SLC25A26: variants seen among roughly 807,000 people sequenced by gnomAD.
SLC25A26 encodes solute carrier family 25 member 26, also known as mitochondrial S-adenosylmethionine carrier protein.
SLC25A26 carries 36 observed loss-of-function variants against 37.8 expected under a neutral mutation model. That is an observed-to-expected ratio of 0.95 (90% CI 0.73 to 1.26). The LOEUF is 1.26. Ranked by LOEUF, SLC25A26 falls within the 50% of genes most tolerant of loss-of-function variation. The pLI, the probability that SLC25A26 is intolerant of heterozygous loss-of-function variation, is 0.00. For missense variants in SLC25A26, 390 were observed against 331.1 expected (o/e 1.18, Z -1.38); for synonymous variants, 129 against 122.5 (o/e 1.05, Z -0.35).
intron 1 of SLC25A26, among the ~76,000 whole-genome samples, chr3:66,141,638 G>A (rs1032823604): frequency 5.9e-5 from 9 of 151,930 alleles, no homozygotes; most frequent in Admixed American, 4.6e-4. Flanking sequence ...TCAGCCACCC[G>A]AGTAGCTGGG....
intron 5 of SLC25A26, among the ~76,000 whole-genome samples, chr3:66,284,858 C>G (rs1302519479): frequency 2.0e-5 from 3 of 152,190 alleles, no homozygotes; most frequent in Middle Eastern, 3.4e-3. Context: ...GAAGAATATG[C>G]AAAAATTCAT....
upstream of SLC25A26, chr3:66,220,891 A>T: frequency 1.6e-6 from 1 of 617,130 alleles, no homozygotes; most frequent in Non-Finnish European, 2.8e-6. Flanking sequence ...GCTCCACCAC[A>T]CTCCCCGAGG....
At chr3:66,314,243 C>T (rs182220826) in intron 5 of SLC25A26, among the ~76,000 whole-genome samples, 42 of 152,152 alleles carry the variant, frequency 2.8e-4, no homozygotes, top group East Asian at 2.5e-3. Context: ...CAGTATGATA[C>T]GGGCTGTGGG....
intron 6 of SLC25A26, among the ~76,000 whole-genome samples, chr3:66,358,451 AT>A (rs1196258617): frequency 6.6e-6 from 1 of 152,328 alleles, no homozygotes; most frequent in African/African-American, 2.4e-5. Context: ...TCACTTGGAT[AT>A]TTTAAGTCAT....
Position 66,288,980 on chromosome 3 carries a change from C to T in SLC25A26, c.453+25601C>T, listed in dbSNP as rs548345011. Among the ~76,000 whole-genome samples, 121 of 152,286 alleles carry T rather than the reference C, an allele frequency of 7.9e-4. 1 individual carries two copies. In the South Asian group the frequency reaches 0.014, roughly 17 times the overall value. ...CATTCCTATTTCTCCACATCCTCTCCAGCATCTGTTGTTTCCTGACTTTTT... is the reference window on the plus strand; with the variant it reads ...CATTCCTATTTCTCCACATCCTCTCTAGCATCTGTTGTTTCCTGACTTTTT... On this transcript the variant is annotated intron_variant, in intron 5 of 9. Coordinates refer to ENST00000354883, the MANE Select transcript of SLC25A26 (RefSeq NM_001379210.1).
chr3:66,276,244 A>C (rs1028595417), intron 5 of SLC25A26, among the ~76,000 whole-genome samples: 1 of 152,140 alleles, frequency 6.6e-6, no homozygotes, highest in Non-Finnish European at 1.5e-5. Flanking sequence ...TCATAAGCAG[A>C]GGCTTAGAAA....
chr3:66,192,282 C>A (rs925946292), intron 1 of SLC25A26, among the ~76,000 whole-genome samples: 10,029 of 147,312 alleles, frequency 0.068, 556 homozygotes, highest in African/African-American at 0.16. Context: ...CACCACTGCA[C>A]TCCAGCCTAG....
chr3:66,134,806 T>C (rs547501736), intron 1 of SLC25A26, among the ~76,000 whole-genome samples: 2 of 151,322 alleles, frequency 1.3e-5, no homozygotes, highest in Non-Finnish European at 1.5e-5. Flanking sequence ...TCATCCTTTG[T>C]CAATATTTCT....
chr3:66,195,749 A>G (rs1391823317), intron 1 of SLC25A26, among the ~76,000 whole-genome samples: 2 of 152,388 alleles, frequency 1.3e-5, no homozygotes, highest in East Asian at 3.9e-4. Flanking sequence ...AAGGAGTCTC[A>G]AAAGAATGGT....
At chr3:66,209,124 A>G (rs1436247794) in intron 1 of SLC25A26, among the ~76,000 whole-genome samples, 83,943 of 84,384 alleles carry the variant, frequency 0.99, 41,751 homozygotes, top group Non-Finnish European at 1. Context: ...ACACAAAAAG[A>G]TATATATACC....
chr3:66,209,894 C>CTATTTA lies in SLC25A26; in HGVS notation c.-353-10844_-353-10839dup, dbSNP rs1441120750. Among the ~76,000 whole-genome samples the CTATTTA allele has an allele frequency of 1.7e-3, 23 of 13,182 alleles. 1 individual carries two copies. Among genetic ancestry groups the CTATTTA allele is most frequent in the Admixed American group, 4.5e-3 (5 of 1,116 alleles). 8.6% of individuals were successfully genotyped at this position (13,182 alleles called of 152,430 possible). On this transcript the variant is annotated intron_variant, in intron 1 of 10. Transcript: ENST00000676754. ...TATATATACTCCTCTCTCTCTCTCT[C>CTATTTA]TATTTATATATATATATATATATAT... is the stretch of plus-strand genomic sequence containing the variant.
chr3:66,243,859 G>C (rs1324760487), intron 3 of SLC25A26, among the ~76,000 whole-genome samples: 1 of 152,172 alleles, frequency 6.6e-6, no homozygotes, highest in Non-Finnish European at 1.5e-5. Context: ...AGCTCCCACT[G>C]GTTCTTTTCC....
At position 66,236,565 on chromosome 3, in the gene SLC25A26, T is replaced by G; in HGVS notation, c.55T>G (p.Ser19Ala). 1 of 1,475,082 alleles carries G rather than the reference T, an allele frequency of 6.8e-7. No individual in the cohort carries two copies. The highest frequency in any genetic ancestry group is 9.0e-7 in the Non-Finnish European group (1 of 1,105,146). 91.4% of individuals were successfully genotyped at this position (1,475,082 alleles called of 1,614,324 possible). The change falls in exon 2 of 10, where the codon TCT becomes GCT. Residue 19 changes from serine to alanine, a missense_variant. Physicochemically the swap from Ser to Ala is moderately conservative, Grantham distance 99. Coordinates refer to ENST00000354883, the MANE Select transcript of SLC25A26 (RefSeq NM_001379210.1). ...ALVAGGVAGVSVDLILFPLDT... is the reference protein window; with the variant it reads ...ALVAGGVAGVAVDLILFPLDT... ...AAAGGCTGGTGGGGTAGCAGGTGTT[T>G]CTGTTGACTTGATATTATTTCCTCT...
chr3:66,326,933 A>G (rs1034652998), intron 5 of SLC25A26, among the ~76,000 whole-genome samples: 6 of 152,218 alleles, frequency 3.9e-5, no homozygotes, highest in African/African-American at 1.4e-4. Flanking sequence ...TGCAGATGTT[A>G]GCCTAAGACC....
intron 9 of SLC25A26, among the ~76,000 whole-genome samples, chr3:66,371,938 T>A (rs1252484464): frequency 6.6e-6 from 1 of 151,886 alleles, no homozygotes; most frequent in East Asian, 1.9e-4. Flanking sequence ...CTCTAAAAAA[T>A]AAATAAATAA....
intron 5 of SLC25A26, among the ~76,000 whole-genome samples, chr3:66,341,706 A>C (rs565840969): frequency 6.6e-6 from 1 of 152,118 alleles, no homozygotes. Flanking sequence ...AGGAATGTTA[A>C]TATGTTTTTA....
At position 66,243,199 on chromosome 3, in the gene SLC25A26, T is replaced by G; in HGVS notation, c.191-4T>G. On this transcript the variant is annotated splice_polypyrimidine_tract_variant and splice_region_variant and intron_variant, in intron 2 of 9. Coordinates refer to ENST00000354883, the MANE Select transcript of SLC25A26 (RefSeq NM_001379210.1). ...GTGAAAGACTGGCTTGTTTTAAATT[T>G]CAGCTGCTGCATTTTTTATCACCTA... is the stretch of plus-strand genomic sequence containing the variant. 1 of 1,544,698 alleles carries G rather than the reference T, an allele frequency of 6.5e-7. No homozygotes were observed. Among genetic ancestry groups the G allele is most frequent in the Non-Finnish European group, 8.9e-7 (1 of 1,124,514 alleles).
At chr3:66,237,884 C>T (rs1004271497) in intron 2 of SLC25A26, among the ~76,000 whole-genome samples, 1 of 152,184 alleles carries the variant, frequency 6.6e-6, no homozygotes, top group African/African-American at 2.4e-5. Flanking sequence ...GTTAACCTGA[C>T]ATTTAAATGT....
intron 1 of SLC25A26, among the ~76,000 whole-genome samples, chr3:66,152,101 G>C (rs978308371): frequency 3.9e-5 from 6 of 152,156 alleles, no homozygotes; most frequent in Non-Finnish European, 8.8e-5. Context: ...CAGTGCTTGA[G>C]AGATCCGTTA....
Sources: gnomAD v4.1 joint callset for allele counts (sites outside exome capture counted in the v4.1 genomes callset) on GRCh38, gnomAD v4.1.1 for gene constraint, MANE v1.5 for transcripts, NCBI Gene and HGNC (gene_info 2026-07-23, HGNC 2026-07-21) for gene names.